EDA: variants seen among roughly 807,000 people sequenced by gnomAD.
EDA encodes the protein ectodysplasin-A.
A neutral mutation model predicts 23.6 loss-of-function variants in EDA; 2 were observed. That is an observed-to-expected ratio of 0.08 (90% CI 0.03 to 0.27). The LOEUF is 0.27. Among genes scored for constraint, EDA ranks in the 10% least tolerant of loss-of-function variants. The pLI is 1.00. For synonymous variants in EDA, 131 were observed against 132.0 expected (o/e 0.99, Z 0.05); for missense variants, 229 against 324.2 (o/e 0.71, Z 2.26).
intron 1 of EDA, among the ~76,000 whole-genome samples, chrX:69,919,286 A>G (rs959812410): frequency 3.6e-5 from 4 of 112,462 alleles, no homozygotes; most frequent in African/African-American, 1.3e-4. Context: ...ATAATTTACT[A>G]TGCAACATGA....
chrX:69,799,814 CA>C (rs3048913), intron 1 of EDA, among the ~76,000 whole-genome samples: 2 of 100,005 alleles, frequency 2.0e-5, no homozygotes, highest in Non-Finnish European at 4.0e-5. Flanking sequence ...GCAGATTTCT[CA>C]AAAAAAAAAA....
rs2016776840 is a variant in EDA, at chrX:69,836,429, G to A, written c.397-120598G>A. ...CAGACCACTTTGTTTACCTACTCAA[G>A]CCTCAGCAATGGCAGACGCCCCTCC... On this transcript the variant is annotated intron_variant, in intron 1 of 7. Transcript: ENST00000374552. Among the ~76,000 whole-genome samples, 7 of 112,407 alleles carry A rather than the reference G, an allele frequency of 6.2e-5. No homozygotes were observed. The Admixed American group carries it at 6.5e-4, about 11-fold the overall frequency.
intron 2 of EDA, among the ~76,000 whole-genome samples, chrX:70,010,980 T>C (rs919624716): frequency 1.8e-5 from 2 of 112,138 alleles, no homozygotes; most frequent in African/African-American, 6.5e-5. Context: ...GAGATTTGGA[T>C]TGGGGACGCA....
At chrX:69,910,372 A>AGTGTGTGTGT (rs1488519660) in intron 1 of EDA, among the ~76,000 whole-genome samples, 11 of 51,447 alleles carry the variant, frequency 2.1e-4, no homozygotes, top group African/African-American at 8.1e-4. Flanking sequence ...AGAGAGAGAG[A>AGTGTGTGTGT]GAGTGTGTGT....
chrX:69,829,486 G>GA (rs1458740532), intron 1 of EDA, among the ~76,000 whole-genome samples: 1 of 112,054 alleles, frequency 8.9e-6, no homozygotes, highest in Non-Finnish European at 1.9e-5. Flanking sequence ...AGCATTCATG[G>GA]AAAAAAATGT....
chrX:69,997,732 C>T lies in EDA; in HGVS notation c.503-25486C>T, dbSNP rs1031076075. ...AGGCCCAGGGTCCCTGTGCTGTGTG[C>T]AGCCTAGGGACTTGGTGCCCTGCGT... On this transcript the variant is annotated intron_variant, in intron 2 of 7. Coordinates refer to ENST00000374552, the MANE Select transcript of EDA (RefSeq NM_001399.5). Among the ~76,000 whole-genome samples the T allele has an allele frequency of 3.6e-5, 4 of 112,232 alleles. 1 individual carries two copies. The highest frequency in any genetic ancestry group is 9.7e-5 in the African/African-American group (3 of 30,871).
At chrX:69,928,974 A>G (rs1348604692) in intron 1 of EDA, among the ~76,000 whole-genome samples, 2 of 111,827 alleles carry the variant, frequency 1.8e-5, no homozygotes, top group African/African-American at 6.5e-5. Context: ...TAAATGCGCC[A>G]CCAACTTGCA....
At chrX:69,715,804 G>T (rs886314987) in intron 1 of EDA, among the ~76,000 whole-genome samples, 1 of 110,967 alleles carries the variant, frequency 9.0e-6, no homozygotes, top group Non-Finnish European at 1.9e-5. Flanking sequence ...TCTCATTGTG[G>T]TTTTGATTTG....
intron 1 of EDA, among the ~76,000 whole-genome samples, chrX:69,806,925 C>T (rs944968128): frequency 2.5e-4 from 28 of 110,978 alleles, no homozygotes; most frequent in African/African-American, 8.2e-4. Flanking sequence ...CTAAACTATG[C>T]CAGGGCTCAT....
At chrX:69,716,313 T>C (rs796882500) in intron 1 of EDA, among the ~76,000 whole-genome samples, 2 of 112,071 alleles carry the variant, frequency 1.8e-5, no homozygotes, top group South Asian at 7.4e-4. Flanking sequence ...AGCACCTTTA[T>C]TGAATAGAGG....
At chrX:69,798,150 C>A (rs1014318665) in intron 1 of EDA, among the ~76,000 whole-genome samples, 63 of 111,090 alleles carry the variant, frequency 5.7e-4, no homozygotes, top group Admixed American at 3.4e-3. Flanking sequence ...AACACTGGAG[C>A]TCCCAGATTC....
At chrX:69,698,770 G>A (rs1449513947) in intron 1 of EDA, among the ~76,000 whole-genome samples, 1 of 111,160 alleles carries the variant, frequency 9.0e-6, no homozygotes, top group Non-Finnish European at 1.9e-5. Context: ...CCTGTAGGGT[G>A]TGTGGAGAAT....
At chrX:69,748,617 G>A (rs146140300) in intron 1 of EDA, among the ~76,000 whole-genome samples, 1 of 111,539 alleles carries the variant, frequency 9.0e-6, no homozygotes, top group Non-Finnish European at 1.9e-5. Flanking sequence ...ACTGTGACTT[G>A]TCTCCTTTAG....
chrX:69,824,315 T>G (rs1164018961), intron 1 of EDA, among the ~76,000 whole-genome samples: 27 of 110,456 alleles, frequency 2.4e-4, no homozygotes, highest in Non-Finnish European at 4.2e-4. Flanking sequence ...CGATATTGAT[T>G]CTTCCTACGC....
rs760400950 is a variant in EDA at position 69,918,713 on chromosome X, C to G, written c.397-38314C>G. On this transcript the variant is annotated intron_variant, in intron 1 of 7. Transcript: ENST00000374552. ...CTCTGGTGGTATCCGTACACACAGACTGGTTTGAAAAAAAATCTCTGGGAA... is the reference window on the plus strand; with the variant it reads ...CTCTGGTGGTATCCGTACACACAGAGTGGTTTGAAAAAAAATCTCTGGGAA... 6.7e-4 allele frequency among the ~76,000 whole-genome samples: 75 copies of G among 111,337 alleles called. 1 individual carries two copies. The highest frequency in any genetic ancestry group is 1.9e-4 in the Admixed American group (2 of 10,458).
At chrX:69,855,600 G>C (rs1347827677) in intron 1 of EDA, among the ~76,000 whole-genome samples, 1 of 111,466 alleles carries the variant, frequency 9.0e-6, no homozygotes. Context: ...ATTTTTGTCA[G>C]GTTTGTGGAA....
rs1349654831 is a variant in EDA at position 69,616,842 on chromosome X, AGG to A, written c.396+140_396+141del. 2.3e-5 allele frequency: 20 copies of A among 863,671 alleles called. No individual in the cohort carries two copies. In the East Asian group the frequency reaches 3.0e-4, roughly 13 times the overall value. 71.2% of individuals were successfully genotyped at this position (863,671 alleles called of 1,213,427 possible). ...GGACCAGGGAGGGACCAGGCGAGCA[AGG>A]GAGAAGTTGCCCAGGGCAGGTTGTC... On this transcript the variant is annotated intron_variant, in intron 1 of 7. Transcript: ENST00000374552.
intron 1 of EDA, among the ~76,000 whole-genome samples, chrX:69,811,814 G>T (rs893642448): frequency 8.9e-6 from 1 of 111,961 alleles, no homozygotes; most frequent in African/African-American, 3.2e-5. Context: ...AGTATCTTTG[G>T]TTTTTATTGT....
intron 1 of EDA, among the ~76,000 whole-genome samples, chrX:69,653,830 C>G (rs1933190702): frequency 9.0e-6 from 1 of 111,583 alleles, no homozygotes. Context: ...AATGTTAGAC[C>G]TAAAACCATA....
Sources: allele counts gnomAD v4.1 joint callset (sites outside exome capture counted in the v4.1 genomes callset), GRCh38; gene constraint gnomAD v4.1.1; transcripts MANE v1.5; gene names NCBI Gene and HGNC (gene_info 2026-07-23, HGNC 2026-07-21).